AAK1: variants seen among roughly 807,000 people sequenced by gnomAD.
The protein encoded by AAK1 is AP2 associated kinase 1.
Under a neutral mutation model 116.0 loss-of-function variants are expected in AAK1, and 37 were observed. The ratio of observed to expected loss-of-function variants is 0.32; its 90% CI spans 0.25 to 0.42. The LOEUF is 0.42. AAK1 is among the 10% of genes least tolerant of loss of function. The pLI is 1.00. For synonymous variants in AAK1, 458 were observed against 439.9 expected (o/e 1.04, Z -0.51); for missense variants, 919 against 1,170.6 (o/e 0.79, Z 3.14).
Position 69,560,491 on chromosome 2 carries a change from G to C in AAK1, c.164-3513C>G, listed in dbSNP as rs11126236. On this transcript the variant is annotated intron_variant, in intron 2 of 21. Coordinates refer to ENST00000409085, the MANE Select transcript of AAK1 (RefSeq NM_014911.5). ...TTCAGTAGCCTGTGTCAGTCTCTCT[G>C]CCTACTGGCATTTTTTGAAACACTC... 4.2e-3 allele frequency among the ~76,000 whole-genome samples: 647 copies of C among 152,340 alleles called. 9 individuals are homozygous for C. The East Asian group carries it at 0.045, about 11-fold the overall frequency.
intron 6 of AAK1, chr2:69,531,560 C>A (rs1463322882): frequency 4.1e-6 from 4 of 984,434 alleles, no homozygotes; most frequent in Non-Finnish European, 4.8e-6. Flanking sequence ...TCATGAAAGT[C>A]TGTGATTCAG....
At chr2:69,636,045 A>T (rs1165178157) in intron 2 of AAK1, among the ~76,000 whole-genome samples, 1 of 152,222 alleles carries the variant, frequency 6.6e-6, no homozygotes, top group Non-Finnish European at 1.5e-5. Flanking sequence ...ATGTTCAGTC[A>T]CATGTCCACT....
At chr2:69,480,120 G>A (rs996063060) in intron 19 of AAK1, among the ~76,000 whole-genome samples, 4 of 152,088 alleles carry the variant, frequency 2.6e-5, no homozygotes, top group African/African-American at 4.8e-5. Context: ...ACATTCAAAT[G>A]AGGATAAGGA....
intron 2 of AAK1, among the ~76,000 whole-genome samples, chr2:69,578,457 G>T (rs960373264): frequency 1.3e-5 from 2 of 152,180 alleles, no homozygotes; most frequent in African/African-American, 4.8e-5. Flanking sequence ...AACTCCCACT[G>T]ATCTATACAG....
At chr2:69,516,832 G>A (rs1676601860) in intron 12 of AAK1, 1 of 152,298 alleles carries the variant, frequency 6.6e-6, no homozygotes, top group Non-Finnish European at 1.5e-5. Flanking sequence ...AGGAAGTCAA[G>A]GGTTGTAGTA....
Position 69,469,196 on chromosome 2 carries a change from C to T in AAK1, c.*6673G>A. 3 of 985,422 alleles carry T rather than the reference C, an allele frequency of 3.0e-6. No individual in the cohort carries two copies. Among genetic ancestry groups the T allele is most frequent in the Non-Finnish European group, 3.6e-6 (3 of 829,946 alleles). 61.0% of individuals were successfully genotyped at this position (985,422 alleles called of 1,614,324 possible). ...GTGTGGCTGAGGCGGAGAGCAACCA[C>T]ACTTTGCAACTCTCCAGGCCTGGCA... is the stretch of plus-strand genomic sequence containing the variant. On this transcript the variant is annotated 3_prime_UTR_variant, in exon 22 of 22. Coordinates refer to ENST00000409085, the MANE Select transcript of AAK1 (RefSeq NM_014911.5).
chr2:69,609,574 G>C (rs1221602786), intron 2 of AAK1, among the ~76,000 whole-genome samples: 1 of 151,962 alleles, frequency 6.6e-6, no homozygotes, highest in Non-Finnish European at 1.5e-5. Context: ...TGAGGCAGGA[G>C]AATCATTTGA....
chr2:69,514,371 T>G lies in AAK1; in HGVS notation c.1776+100A>C, dbSNP rs200576219. ...GAACCACCCAGGTGGGAAAGCAACC[T>G]GGACCCTCATCAGCTGCTGCCATCT... On this transcript the variant is annotated intron_variant, in intron 13 of 21. Coordinates refer to ENST00000409085, the MANE Select transcript of AAK1 (RefSeq NM_014911.5). The G allele has an allele frequency of 2.1e-6, 3 of 1,426,252 alleles. No individual in the cohort carries two copies. The African/African-American group carries it at 4.3e-5, about 21-fold the overall frequency. 88.3% of individuals were successfully genotyped at this position (1,426,252 alleles called of 1,614,324 possible). A position where few individuals can be genotyped will look rare whatever the true frequency, so the allele number is the denominator to read the frequency against.
At position 69,556,865 on chromosome 2, in the gene AAK1, T is replaced by C. The variant is rs1258892637; in HGVS notation, c.277A>G (p.Ile93Val). ...AGTCCAAGGGGCAGCCTTACCATTA[T>C]CTGGATTTCTCTCTTGCACACCTGG... Reference protein sequence around the residue: ...DLQVCKREIQIMRDLSGHKNI... With the variant: ...DLQVCKREIQVMRDLSGHKNI... Residue 93 changes from isoleucine (I) to valine (V), a missense_variant, in exon 3 of 22, where the codon ATA becomes GTA. By Grantham distance (29) the Ile-to-Val change is conservative. Coordinates refer to ENST00000409085, the MANE Select transcript of AAK1 (RefSeq NM_014911.5). 1 of 1,612,124 alleles carries C rather than the reference T, an allele frequency of 6.2e-7. No homozygotes were observed.
rs1462370166 is a variant in AAK1, at chr2:69,530,110, A to G, written c.769T>C (p.Tyr257His). Residue 257 changes from tyrosine to histidine, a missense_variant, in exon 8 of 22, where the codon TAC (tyrosine) becomes CAC (histidine). Coordinates refer to ENST00000409085, the MANE Select transcript of AAK1 (RefSeq NM_014911.5). ...CTTTCCCCAAATGGCAAAGTGAAGT[A>G]GCATAATTTATACAACAAACATCCA... ...ALGCLLYKLC[Y>H]FTLPFGESQV... The G allele has an allele frequency of 6.2e-7, 1 of 1,610,662 alleles. No individual in the cohort carries two copies. Among genetic ancestry groups the G allele is most frequent in the African/African-American group, 1.3e-5 (1 of 74,842 alleles).
intron 2 of AAK1, among the ~76,000 whole-genome samples, chr2:69,640,520 G>A (rs1258571746): frequency 1.3e-5 from 2 of 152,152 alleles, no homozygotes; most frequent in African/African-American, 4.8e-5. Flanking sequence ...AAATTCATTG[G>A]CAGATCCTTA....
At chr2:69,598,191 A>C in intron 2 of AAK1, 1 of 796,100 alleles carries the variant, frequency 1.3e-6, no homozygotes. Flanking sequence ...ACAGACACTG[A>C]TGTTTCCATC....
chr2:69,575,616 G>A (rs1347778385), intron 2 of AAK1, among the ~76,000 whole-genome samples: 1 of 151,960 alleles, frequency 6.6e-6, no homozygotes, highest in Admixed American at 6.6e-5. Context: ...TTACAGGCAC[G>A]CGCCAACATG....
At chr2:69,509,836 A>G (rs1402482194) in intron 13 of AAK1, among the ~76,000 whole-genome samples, 3 of 152,134 alleles carry the variant, frequency 2.0e-5, no homozygotes, top group Non-Finnish European at 4.4e-5. Context: ...TCACATACAA[A>G]CTCATTCAGA....
At chr2:69,639,452 C>T (rs1215701277) in intron 2 of AAK1, among the ~76,000 whole-genome samples, 1 of 152,172 alleles carries the variant, frequency 6.6e-6, no homozygotes, top group Non-Finnish European at 1.5e-5. Context: ...CCCTGGCACC[C>T]AGCCTAGAAA....
intron 2 of AAK1, among the ~76,000 whole-genome samples, chr2:69,577,417 G>A (rs953584063): frequency 4.6e-5 from 7 of 152,106 alleles, no homozygotes; most frequent in Non-Finnish European, 1.0e-4. Flanking sequence ...GAGGGGGCAG[G>A]GTGCCATCCT....
intron 2 of AAK1, among the ~76,000 whole-genome samples, chr2:69,573,752 C>A (rs1410783260): frequency 2.6e-5 from 4 of 152,164 alleles, no homozygotes; most frequent in South Asian, 2.1e-4. Flanking sequence ...GTAATCCCAG[C>A]ACTTTGGGAG....
Position 69,507,436 on chromosome 2 carries a change from C to A in AAK1, c.2149G>T (p.Ala717Ser). 1 of 1,612,652 alleles carries A rather than the reference C, an allele frequency of 6.2e-7. No homozygotes were observed. The highest frequency in any genetic ancestry group is 8.5e-7 in the Non-Finnish European group (1 of 1,179,328). The stretch of plus-strand genomic sequence containing the variant: ...GCTTACTCACCTTCCCCAAGCTTGG[C>A]AAAGTCCTTGTTTAGCAGTTCTTCA... The part of the protein sequence containing the change: ...TAEELLNKDF[A>S]KLGEGKHPEK... The change falls in exon 15 of 22, where the codon GCC (alanine) becomes TCC (serine). Residue 717 changes from alanine (A) to serine (S), a missense_variant. By Grantham distance (99) the Ala-to-Ser change is moderately conservative (BLOSUM62 1). Around this residue, in one of 4 missense-constraint regions of AAK1, gnomAD observed 125 missense variants for 184.1 expected, o/e 0.68. Coordinates refer to ENST00000409085, the MANE Select transcript of AAK1 (RefSeq NM_014911.5).
chr2:69,574,390 A>AG (rs1672214019), intron 2 of AAK1, among the ~76,000 whole-genome samples: 1 of 151,068 alleles, frequency 6.6e-6, no homozygotes, highest in Admixed American at 6.6e-5. Flanking sequence ...AAAAAAAAAA[A>AG]AAAAAAAAAG....
Sources: allele counts gnomAD v4.1 joint callset (sites outside exome capture counted in the v4.1 genomes callset), GRCh38; gene constraint gnomAD v4.1.1; regional missense constraint gnomAD v4.1.1; transcripts MANE v1.5; gene names NCBI Gene and HGNC (gene_info 2026-07-23, HGNC 2026-07-21).